Variants in GPR63 observed in about 807,000 individuals in gnomAD.
GPR63 encodes the protein G protein-coupled receptor 63, also known as probable G protein-coupled receptor 63.
A neutral mutation model predicts 23.1 loss-of-function variants in GPR63; 12 were observed. That is an observed-to-expected ratio of 0.52 (90% confidence interval 0.33 to 0.84). GPR63 has a LOEUF of 0.84. Ranked by LOEUF, GPR63 falls within the 40% of genes least tolerant of loss-of-function variation. The pLI is 0.02. For missense variants in GPR63, 472 were observed against 515.6 expected (o/e 0.92, Z 0.82); for synonymous variants, 172 against 191.1 (o/e 0.90, Z 0.82).
chr6:96,804,561 A>T (rs1773849926), intron 1 of GPR63, among the ~76,000 whole-genome samples: 1 of 152,172 alleles, frequency 6.6e-6, no homozygotes, highest in South Asian at 2.1e-4. Flanking sequence ...TAATTTTAAA[A>T]ATAATTAGAT....
intron 1 of GPR63, among the ~76,000 whole-genome samples, chr6:96,820,920 T>C (rs1774297963): frequency 6.6e-6 from 1 of 152,218 alleles, no homozygotes; most frequent in South Asian, 2.1e-4. Flanking sequence ...GCTGGTACTC[T>C]CTTCACTGCC....
chr6:96,810,182 T>C (rs1481814517), intron 1 of GPR63, among the ~76,000 whole-genome samples: 2 of 152,304 alleles, frequency 1.3e-5, no homozygotes, highest in East Asian at 3.9e-4. Flanking sequence ...AACATCTTTT[T>C]AATACTCATC....
chr6:96,799,705 C>A lies in GPR63; in HGVS notation c.27G>T (p.Ala9=), dbSNP rs756539591. 2.1e-5 allele frequency: 34 copies of A among 1,614,142 alleles called. No homozygotes were observed. Among genetic ancestry groups the A allele is most frequent in the Non-Finnish European group, 2.9e-5 (34 of 1,180,018 alleles). MVFSAVLT[A]FHTGTSNTTF... is the part of the protein sequence containing the mutation. Reference sequence around the variant, plus strand: ...TTGTGTTGGATGTCCCGGTATGGAACGCAGTCAACACTGCCGAGAAGACCA... The same window carrying A: ...TTGTGTTGGATGTCCCGGTATGGAAAGCAGTCAACACTGCCGAGAAGACCA... The change falls in exon 2 of 2, where the codon GCG becomes GCT. Residue 9 remains alanine (A), a synonymous_variant. Transcript: ENST00000229955.
At position 96,798,229 on chromosome 6, in the gene GPR63, C is replaced by A; in HGVS notation, c.*243G>T. ...ATCAATCAAGGAAAAACCCCAAAAC[C>A]AAAAAAAAGTCTCCTCACCCTAAAT... is the stretch of plus-strand genomic sequence containing the variant. On this transcript the variant is annotated 3_prime_UTR_variant, in exon 2 of 2. Transcript: ENST00000229955. 1 of 417,298 alleles carries A rather than the reference C, an allele frequency of 2.4e-6. No homozygotes were observed. Among genetic ancestry groups the A allele is most frequent in the Non-Finnish European group, 4.2e-6 (1 of 239,238 alleles). The allele number at this position is 417,298 out of a possible 1,614,324, so 25.8% of individuals were successfully genotyped here.
chr6:96,810,496 G>T (rs1266323109), intron 1 of GPR63, among the ~76,000 whole-genome samples: 1 of 114,094 alleles, frequency 8.8e-6, no homozygotes, highest in African/African-American at 3.4e-5. Flanking sequence ...CTCCGTCCCA[G>T]GAAAAAAAAA....
intron 1 of GPR63, among the ~76,000 whole-genome samples, chr6:96,817,480 T>C (rs1774193371): frequency 1.3e-5 from 2 of 152,174 alleles, no homozygotes; most frequent in Non-Finnish European, 2.9e-5. Context: ...ATGCCTGCTC[T>C]GTTACCCAGT....
At position 96,837,428 on chromosome 6, in the gene GPR63, TGGCGGCGGCGGCGATACAGGCGGC is replaced by T. The variant is rs1774765978; in HGVS notation, c.-335_-312del. 6.5e-6 allele frequency: 1 copy of T among 153,854 alleles called. No individual in the cohort carries two copies. Among genetic ancestry groups the T allele is most frequent in the Non-Finnish European group, 1.4e-5 (1 of 69,030 alleles). The allele number at this position is 153,854 out of a possible 1,614,324, so 9.5% of individuals were successfully genotyped here. On this transcript the variant is annotated 5_prime_UTR_variant, in exon 1 of 2. Transcript: ENST00000229955. ...AAGGAGGACAACGAAGAGGAGGTGG[TGGCGGCGGCGGCGATACAGGCGGC>T]GGTGGCGGGAGCTGGAGCTGAAAGT...
At chr6:96,834,416 C>T (rs1313733286) in intron 1 of GPR63, among the ~76,000 whole-genome samples, 2 of 152,158 alleles carry the variant, frequency 1.3e-5, no homozygotes, top group Non-Finnish European at 2.9e-5. Context: ...CACATCAGCT[C>T]TTAAGATCTA....
intron 1 of GPR63, among the ~76,000 whole-genome samples, chr6:96,816,884 T>C (rs187104432): frequency 3.5e-4 from 53 of 152,272 alleles, no homozygotes; most frequent in African/African-American, 1.1e-3. Context: ...AAAAATTGAA[T>C]AGCCCTCCAA....
chr6:96,806,070 T>G (rs1246457451), intron 1 of GPR63, among the ~76,000 whole-genome samples: 1 of 152,192 alleles, frequency 6.6e-6, no homozygotes, highest in Non-Finnish European at 1.5e-5. Flanking sequence ...CTGTCAAGTC[T>G]CCAGCACGCT....
rs537333848 is a variant in GPR63, at chr6:96,794,857, G to A, written c.*3615C>T. 5 of 152,290 alleles carry A rather than the reference G, an allele frequency of 3.3e-5. No homozygotes were observed. In the East Asian group the frequency reaches 9.7e-4, roughly 29 times the overall value. The allele number at this position is 152,290 out of a possible 1,614,324, so 9.4% of individuals were successfully genotyped here. On this transcript the variant is annotated 3_prime_UTR_variant, in exon 2 of 2. Transcript: ENST00000229955. ...ATTTTGCCAGTTGAAAGAAAATAAA[G>A]CTAACACTGGCAAGATCCAGCACAA... is the stretch of plus-strand genomic sequence containing the variant.
At chr6:96,812,154 C>G (rs1210644737) in intron 1 of GPR63, among the ~76,000 whole-genome samples, 1 of 151,850 alleles carries the variant, frequency 6.6e-6, no homozygotes, top group Non-Finnish European at 1.5e-5. Flanking sequence ...TCAAAATTAC[C>G]TTATTTGCAA....
chr6:96,802,901 A>C (rs1002196245), intron 1 of GPR63, among the ~76,000 whole-genome samples: 4 of 152,124 alleles, frequency 2.6e-5, no homozygotes, highest in African/African-American at 9.7e-5. Flanking sequence ...GTAGATGCCC[A>C]GAGAATCTCT....
At position 96,797,789 on chromosome 6, in the gene GPR63, A is replaced by C. The variant is rs1355179594; in HGVS notation, c.*683T>G. 6.6e-6 allele frequency: 1 copy of C among 152,214 alleles called. No homozygotes were observed. Among genetic ancestry groups the C allele is most frequent in the Non-Finnish European group, 1.5e-5 (1 of 68,038 alleles). The allele number at this position is 152,214 out of a possible 1,614,324, so 9.4% of individuals were successfully genotyped here. ...GAAGAGTTGCTATTGTGCTTAGAAA[A>C]GTATCTACATTTTATGTTCTCTTTT... On this transcript the variant is annotated 3_prime_UTR_variant, in exon 2 of 2. Coordinates refer to ENST00000229955, the MANE Select transcript of GPR63 (RefSeq NM_030784.4).
At chr6:96,813,628 G>A (rs950228386) in intron 1 of GPR63, among the ~76,000 whole-genome samples, 4 of 152,174 alleles carry the variant, frequency 2.6e-5, no homozygotes, top group Non-Finnish European at 5.9e-5. Context: ...TGTGTATTCT[G>A]TAGCTGTTGG....
In GPR63 at chr6:96,799,056, C is replaced by G. The variant is rs201788728; in HGVS notation, c.676G>C (p.Ala226Pro). 47 of 1,614,016 alleles carry G rather than the reference C, an allele frequency of 2.9e-5. No individual in the cohort carries two copies. Among genetic ancestry groups the G allele is most frequent in the Non-Finnish European group, 3.4e-6 (4 of 1,180,028 alleles). The change falls in exon 2 of 2, where the codon GCT (alanine) becomes CCT (proline). Residue 226 changes from alanine to proline, a missense_variant. Transcript: ENST00000229955. ...GNPDLQIPSR[A>P]PQCVFGYTTN... ...GTGTACCCAAACACACACTGGGGAGCTCGGGAAGGTATCTGCAGGTCGGGG... is the reference window on the plus strand; with the variant it reads ...GTGTACCCAAACACACACTGGGGAGGTCGGGAAGGTATCTGCAGGTCGGGG...
chr6:96,832,043 A>T (rs1467954252), intron 1 of GPR63, among the ~76,000 whole-genome samples: 1 of 152,156 alleles, frequency 6.6e-6, no homozygotes, highest in East Asian at 1.9e-4. Context: ...ATTCAGAATT[A>T]AAAATGTTAC....
chr6:96,816,503 C>A (rs1774168808), intron 1 of GPR63, among the ~76,000 whole-genome samples: 1 of 152,174 alleles, frequency 6.6e-6, no homozygotes, highest in South Asian at 2.1e-4. Context: ...ATTTTTAAAT[C>A]TCTTTGAAGA....
At chr6:96,820,993 T>C (rs1211107887) in intron 1 of GPR63, among the ~76,000 whole-genome samples, 2 of 152,124 alleles carry the variant, frequency 1.3e-5, no homozygotes, top group South Asian at 2.1e-4. Flanking sequence ...GGGGAAACAA[T>C]AGTCTATCTA....
Sources: gnomAD v4.1 joint callset for allele counts (sites outside exome capture counted in the v4.1 genomes callset) on GRCh38, gnomAD v4.1.1 for gene constraint, MANE v1.5 for transcripts, NCBI Gene and HGNC (gene_info 2026-07-23, HGNC 2026-07-21) for gene names.